CABLES2: variants seen among roughly 807,000 people sequenced by gnomAD.
CABLES2 encodes CDK5 and ABL1 enzyme substrate 2.
CABLES2 carries 35 observed loss-of-function variants against 44.8 expected under a neutral mutation model. The observed-to-expected ratio is 0.78, with a 90% CI of 0.60 to 1.04. The LOEUF (loss-of-function observed/expected upper bound fraction) is 1.04, where lower values mean the gene tolerates loss of function less well. Among genes scored for constraint, CABLES2 ranks in the 50% least tolerant of loss-of-function variants. CABLES2 has a pLI of 0.00. For synonymous variants in CABLES2, 282 were observed against 281.1 expected, an observed-to-expected ratio of 1.00 and a Z score of -0.03; for missense variants, 566 against 615.7, an observed-to-expected ratio of 0.92 and a Z score of 0.85.
At chr20:62,398,126 TATGAC>T (rs1988095230) in intron 1 of CABLES2, among the ~76,000 whole-genome samples, 2 of 17,808 alleles carry the variant, frequency 1.1e-4, no homozygotes, top group East Asian at 1.4e-3. Flanking sequence ...TGGTGGTGGT[TATGAC>T]GGTGGTGATG....
chr20:62,394,798 A>T, intron 4 of CABLES2, 139 bp downstream of exon 4: 1 of 707,784 alleles, frequency 1.4e-6, no homozygotes, highest in Non-Finnish European at 2.3e-6. Context: ...GGAGGTTGAC[A>T]TGCTGAGCCT....
intron 1 of CABLES2, among the ~76,000 whole-genome samples, chr20:62,397,819 G>A (rs561838228): frequency 8.6e-5 from 13 of 151,828 alleles, no homozygotes; most frequent in East Asian, 5.8e-4. Context: ...GCGATGTGGC[G>A]TGGCACGTCT....
intron 1 of CABLES2, among the ~76,000 whole-genome samples, chr20:62,398,250 TGGTGGTGGTGATGGTGATGGC>T (rs1462093452): frequency 7.8e-6 from 1 of 128,558 alleles, no homozygotes; most frequent in East Asian, 2.1e-4. Context: ...ATGATGGTGA[TGGTGGTGGTGATGGTGATGGC>T]GGTGGTGGTG....
At chr20:62,398,276 G>A (rs1988118641) in intron 1 of CABLES2, among the ~76,000 whole-genome samples, 2 of 147,666 alleles carry the variant, frequency 1.4e-5, no homozygotes, top group African/African-American at 2.5e-5. Context: ...GATGGCGGTG[G>A]TGGTGGTGGT....
At position 62,391,521 on chromosome 20, in the gene CABLES2, A is replaced by G; in HGVS notation, c.1092-68T>C. 1 of 1,511,750 alleles carries G rather than the reference A, an allele frequency of 6.6e-7. No individual in the cohort carries two copies. 93.6% of individuals were successfully genotyped at this position (1,511,750 alleles called of 1,614,324 possible). A position where few individuals can be genotyped will look rare whatever the true frequency, so the allele number is the denominator to read the frequency against. On this transcript the variant is annotated intron_variant, in intron 8 of 9. Transcript: ENST00000279101. This position sits in a 1 kb window ranked among gnomAD's most constrained non-coding sequence, Gnocchi z 5.7. ...GGGGCTGAGGAGGCAGCCCCCTGCC[A>G]CCACCAACCGAGGCTGGAGCGATGT... is the stretch of plus-strand genomic sequence containing the variant.
Position 62,391,248 on chromosome 20 carries a change from C to T in CABLES2, c.1296+1G>A, listed in dbSNP as rs1477315545. On this transcript the variant is annotated splice_donor_variant, in intron 9 of 9. Coordinates refer to ENST00000279101, the MANE Select transcript of CABLES2 (RefSeq NM_031215.3). LOFTEE classifies it high-confidence loss of function. The surrounding 1 kb of genome is among the most constrained non-coding windows in gnomAD (Gnocchi z 5.7). Reference sequence around the variant, plus strand: ...CAGTGCCTGCCGAGCCGGGCACTCACATCGATGAGCTGCGTCACGCCGCTC... The same window carrying T: ...CAGTGCCTGCCGAGCCGGGCACTCATATCGATGAGCTGCGTCACGCCGCTC... The T allele has an allele frequency of 2.5e-6, 4 of 1,606,234 alleles. No individual in the cohort carries two copies. The highest frequency in any genetic ancestry group is 3.4e-6 in the Non-Finnish European group (4 of 1,174,900).
Position 62,396,823 on chromosome 20 carries a change from C to T in CABLES2, c.363-231G>A, listed in dbSNP as rs1988030168. ...CACTGAGCTCTTCTCTGGGGACCAG[C>T]AGCCCTGGGGGACAGGCTCCTCAGG... is the stretch of plus-strand genomic sequence containing the variant. On this transcript the variant is annotated intron_variant, in intron 1 of 9. Coordinates refer to ENST00000279101, the MANE Select transcript of CABLES2 (RefSeq NM_031215.3). This position sits in a 1 kb window ranked among gnomAD's most constrained non-coding sequence, Gnocchi z 5.7. Among the ~76,000 whole-genome samples, 1 of 152,126 alleles carries T rather than the reference C, an allele frequency of 6.6e-6. No homozygotes were observed.
chr20:62,404,595 C>T (rs866513950), intron 1 of CABLES2: 1 of 152,344 alleles, frequency 6.6e-6, no homozygotes, highest in East Asian at 1.9e-4. Context: ...AAATGGACGT[C>T]CTCACGCTGG....
At position 62,390,899 on chromosome 20, in the gene CABLES2, C is replaced by T. The variant is rs777409488; in HGVS notation, c.*72G>A. The T allele has an allele frequency of 6.0e-5, 95 of 1,580,692 alleles. No homozygotes were observed. Among genetic ancestry groups the T allele is most frequent in the Non-Finnish European group, 7.3e-5 (84 of 1,155,274 alleles). On this transcript the variant is annotated 3_prime_UTR_variant, in exon 10 of 10. Transcript: ENST00000279101. The stretch of plus-strand genomic sequence containing the variant: ...CTGGGGGTGCTGGCAGGAGGAGGCG[C>T]GGGGCTTCAGTGGGACACCTCCCAG...
At chr20:62,404,955 A>C (rs916677041) in intron 1 of CABLES2, 1 of 152,298 alleles carries the variant, frequency 6.6e-6, no homozygotes, top group Non-Finnish European at 1.5e-5. Context: ...CAGAACTGTC[A>C]CCATGGAGGC....
chr20:62,402,996 T>C (rs889815405), intron 1 of CABLES2: 2 of 152,256 alleles, frequency 1.3e-5, no homozygotes, highest in African/African-American at 4.8e-5. Flanking sequence ...AGACAGCAGC[T>C]TGTCCCACAG....
At position 62,388,801 on chromosome 20, in the gene CABLES2, C is replaced by T. The variant is rs535854323; in HGVS notation, c.*2170G>A. On this transcript the variant is annotated 3_prime_UTR_variant, in exon 10 of 10. Coordinates refer to ENST00000279101, the MANE Select transcript of CABLES2 (RefSeq NM_031215.3). ...AGGCCTGGTTCTGTATAGTCACAGC[C>T]GAGCTGAACACCTTAGCTCCGACAC... The T allele has an allele frequency of 1.5e-4, 58 of 389,368 alleles. No homozygotes were observed. The highest frequency in any genetic ancestry group is 7.4e-4 in the East Asian group (13 of 17,600). 24.1% of individuals were successfully genotyped at this position (389,368 alleles called of 1,614,324 possible).
rs774565947 is a variant in CABLES2 at position 62,392,406 on chromosome 20, C to T, written c.1074G>A (p.Thr358=). The T allele has an allele frequency of 5.0e-6, 8 of 1,613,728 alleles. No individual in the cohort carries two copies. The highest frequency in any genetic ancestry group is 1.6e-4 in the Middle Eastern group (1 of 6,080). The change falls in exon 8 of 10, where the codon ACG becomes ACA. Residue 358 remains threonine, a synonymous_variant. Coordinates refer to ENST00000279101, the MANE Select transcript of CABLES2 (RefSeq NM_031215.3). ...GTCCTCACCTCCTGATTTTGCTCAGCGTCAGTTTGACATGGGGGAACTTCT... is the reference window on the plus strand; with the variant it reads ...GTCCTCACCTCCTGATTTTGCTCAGTGTCAGTTTGACATGGGGGAACTTCT... ...FREKFPHVKL[T]LSKIRSLKRE...
chr20:62,399,123 A>G (rs1263660936), intron 1 of CABLES2, among the ~76,000 whole-genome samples: 1 of 151,990 alleles, frequency 6.6e-6, no homozygotes, highest in African/African-American at 2.4e-5. Context: ...TTTTTTTTGT[A>G]TTTTTTAGTA....
At chr20:62,397,932 G>GTGA (rs1276048025) in intron 1 of CABLES2, among the ~76,000 whole-genome samples, 9 of 93,932 alleles carry the variant, frequency 9.6e-5, no homozygotes, top group Admixed American at 6.0e-4. Flanking sequence ...GATGGTGGTG[G>GTGA]TGGTGATGGT....
chr20:62,397,941 G>GCGGTGGTGGGGGTGGTGATGA (rs1316852257), intron 1 of CABLES2, among the ~76,000 whole-genome samples: 1 of 136,008 alleles, frequency 7.4e-6, no homozygotes, highest in Non-Finnish European at 1.6e-5. Flanking sequence ...GGTGGTGATG[G>GCGGTGGTGGGGGTGGTGATGA]TGGTGACGGT....
In CABLES2 at chr20:62,391,586, G is replaced by T; in HGVS notation, c.1092-133C>A. On this transcript the variant is annotated intron_variant, in intron 8 of 9. Transcript: ENST00000279101. The surrounding 1 kb of genome is among the most constrained non-coding windows in gnomAD (Gnocchi z 5.7). ...AGAAACACCACCGCATCCTTCAGGG[G>T]ATGGTACCCTCCGCCGTACCATGTA... 2 of 880,500 alleles carry T rather than the reference G, an allele frequency of 2.3e-6. No homozygotes were observed. The highest frequency in any genetic ancestry group is 3.6e-6 in the Non-Finnish European group (2 of 549,468). The allele number at this position is 880,500 out of a possible 1,614,324, so 54.5% of individuals were successfully genotyped here.
intron 1 of CABLES2, among the ~76,000 whole-genome samples, chr20:62,397,893 G>GTGA (rs1311358987): frequency 6.0e-5 from 9 of 150,564 alleles, no homozygotes; most frequent in African/African-American, 2.2e-4. Context: ...GGTGGTGATG[G>GTGA]CGGTGGTGGT....
In CABLES2 at chr20:62,399,307, C is replaced by T. The variant is rs567502762; in HGVS notation, c.363-2715G>A. 4.0e-5 allele frequency among the ~76,000 whole-genome samples: 6 copies of T among 151,336 alleles called. No individual in the cohort carries two copies. In the East Asian group the frequency reaches 7.8e-4, roughly 20 times the overall value. ...GTTGCCCAGGCTGGAGTGGAGGGGG[C>T]GCCATCTTGGCTCATTGCAAGCTCC... On this transcript the variant is annotated intron_variant, in intron 1 of 9. Coordinates refer to ENST00000279101, the MANE Select transcript of CABLES2 (RefSeq NM_031215.3).
Sources: gnomAD v4.1 joint callset for allele counts (sites outside exome capture counted in the v4.1 genomes callset) on GRCh38, gnomAD v4.1.1 for gene constraint, Gnocchi (gnomAD v3.1) non-coding constraint, MANE v1.5 for transcripts, NCBI Gene and HGNC (gene_info 2026-07-23, HGNC 2026-07-21) for gene names.